Variants in DFFB observed in about 807,000 individuals in gnomAD.
The protein encoded by DFFB is DNA fragmentation factor subunit beta.
Under a neutral mutation model 32.7 loss-of-function variants are expected in DFFB, and 29 were observed. The observed-to-expected ratio is 0.89, with a 90% CI of 0.66 to 1.21. The LOEUF (loss-of-function observed/expected upper bound fraction) is 1.21. DFFB is among the 50% of genes most tolerant of loss of function. The pLI is 0.00. For synonymous variants in DFFB, 170 were observed against 177.1 expected, an observed-to-expected ratio of 0.96 and a Z score of 0.32; for missense variants, 398 against 440.6, an observed-to-expected ratio of 0.90 and a Z score of 0.87.
intron 2 of DFFB, among the ~76,000 whole-genome samples, chr1:3,862,241 A>T (rs1462275239): frequency 6.6e-6 from 1 of 152,352 alleles, no homozygotes; most frequent in Non-Finnish European, 1.5e-5. Context: ...TTAACATCCC[A>T]TGTTCATGGA....
rs1463669955 is a variant in DFFB at position 3,867,932 on chromosome 1, G to A, written c.431-42G>A. On this transcript the variant is annotated intron_variant, in intron 3 of 6. Coordinates refer to ENST00000378209, the MANE Select transcript of DFFB (RefSeq NM_004402.4). Reference sequence around the variant, plus strand: ...CAGGACACAGACCCAGAGGCCCCTGGCCTGCCCTGTGGACTTGGGGGTCTT... The same window carrying A: ...CAGGACACAGACCCAGAGGCCCCTGACCTGCCCTGTGGACTTGGGGGTCTT... The A allele has an allele frequency of 3.8e-6, 6 of 1,596,356 alleles. 1 individual carries two copies. Among genetic ancestry groups the A allele is most frequent in the South Asian group, 2.2e-5 (2 of 90,706 alleles).
intron 5 of DFFB, among the ~76,000 whole-genome samples, chr1:3,871,433 C>T (rs562465526): frequency 3.9e-5 from 6 of 152,238 alleles, no homozygotes; most frequent in African/African-American, 1.4e-4. Flanking sequence ...ATTACAGGCG[C>T]CCGCCACCAT....
chr1:3,868,073 G>T lies in DFFB; in HGVS notation c.510+20G>T. ...AGGGAGGTGAGCCTGAGTGAAGACC[G>T]GGTATGCTGGGCGGGTTTTTGAAGC... On this transcript the variant is annotated intron_variant, in intron 4 of 6. Transcript: ENST00000378209. The T allele has an allele frequency of 6.2e-7, 1 of 1,611,890 alleles. No individual in the cohort carries two copies. The highest frequency in any genetic ancestry group is 1.1e-5 in the South Asian group (1 of 91,034).
At chr1:3,872,614 G>GGGCCCGGTCCCTGCCGC in intron 6 of DFFB, 42 bp downstream of exon 6, 5 of 959,720 alleles carry the variant, frequency 5.2e-6, no homozygotes, top group African/African-American at 2.8e-5. Context: ...AGTGCCTGCA[G>GGGCCCGGTCCCTGCCGC]GGCCCTGTCC....
chr1:3,857,518 C>G lies in DFFB; in HGVS notation c.-86C>G. On this transcript the variant is annotated 5_prime_UTR_variant, in exon 1 of 7. Transcript: ENST00000378209. ...TTGCAGAGCTCACCAGGTGCAGACCCCTGCGGCCAGGGCGAGGACGGATCT... is the reference window on the plus strand; with the variant it reads ...TTGCAGAGCTCACCAGGTGCAGACCGCTGCGGCCAGGGCGAGGACGGATCT... The G allele has an allele frequency of 3.1e-6, 3 of 982,688 alleles. No homozygotes were observed. The highest frequency in any genetic ancestry group is 2.3e-4 in the Middle Eastern group (1 of 4,382). The allele number at this position is 982,688 out of a possible 1,614,324, so 60.9% of individuals were successfully genotyped here.
At chr1:3,878,688 C>T (rs938175012) in intron 6 of DFFB, among the ~76,000 whole-genome samples, 2 of 152,200 alleles carry the variant, frequency 1.3e-5, no homozygotes, top group Non-Finnish European at 2.9e-5. Flanking sequence ...CTGCTGCTGT[C>T]CCCTCTCCCG....
chr1:3,871,649 G>A (rs934273206), intron 5 of DFFB, among the ~76,000 whole-genome samples: 5 of 152,206 alleles, frequency 3.3e-5, no homozygotes, highest in Admixed American at 1.3e-4. Flanking sequence ...CAGCCCCCAC[G>A]GGGTGCGTCT....
intron 5 of DFFB, 56 bp downstream of exon 5, chr1:3,869,831 C>T (rs543520878): frequency 5.5e-5 from 83 of 1,514,254 alleles, no homozygotes; most frequent in East Asian, 3.5e-4. Flanking sequence ...GAACACAGCC[C>T]GCCTGGGGCG....
At chr1:3,868,608 TACCAGACCACACCAC>T (rs1645032620) in intron 4 of DFFB, among the ~76,000 whole-genome samples, 1 of 3,158 alleles carries the variant, frequency 3.2e-4, no homozygotes, top group South Asian at 5.8e-3. Flanking sequence ...TACCACACCA[TACCAGACCACACCAC>T]ACCAGGCCAC....
chr1:3,874,878 C>T (rs560781548), intron 6 of DFFB, among the ~76,000 whole-genome samples: 5 of 149,242 alleles, frequency 3.4e-5, no homozygotes, highest in Admixed American at 2.7e-4. Context: ...CATACGTGGC[C>T]TCCCATGCTG....
intron 3 of DFFB, among the ~76,000 whole-genome samples, chr1:3,867,233 C>T (rs553661183): frequency 5.3e-5 from 8 of 152,336 alleles, no homozygotes; most frequent in East Asian, 1.9e-4. Context: ...CAGTCCACTG[C>T]GTGTACATAC....
In DFFB at chr1:3,872,575, A is replaced by G; in HGVS notation, c.782+3A>G. 6.2e-7 allele frequency: 1 copy of G among 1,611,042 alleles called. No homozygotes were observed. Among genetic ancestry groups the G allele is most frequent in the Non-Finnish European group, 8.5e-7 (1 of 1,179,194 alleles). Reference sequence around the variant, plus strand: ...AGCACCTGGAACCTGGATCACATGTAAGCTCACAGAGCGAGGTTCAGACCC... The same window carrying G: ...AGCACCTGGAACCTGGATCACATGTGAGCTCACAGAGCGAGGTTCAGACCC... On this transcript the variant is annotated splice_donor_region_variant and intron_variant, in intron 6 of 6. Coordinates refer to ENST00000378209, the MANE Select transcript of DFFB (RefSeq NM_004402.4).
Position 3,883,587 on chromosome 1 carries a change from A to AT in DFFB, c.868dup (p.Tyr290LeufsTer19), listed in dbSNP as rs1169309833. On this transcript the variant is annotated frameshift_variant, in exon 7 of 7. Transcript: ENST00000378209. LOFTEE classifies it low-confidence loss of function (END_TRUNC). The stretch of plus-strand genomic sequence containing the variant: ...GATGGAAGAGAAGTGGACTGGGAGT[A>AT]TTTTTATGGCCTGCTTTTTACCTCA... 1.2e-6 allele frequency: 2 copies of AT among 1,614,190 alleles called. No individual in the cohort carries two copies. The highest frequency in any genetic ancestry group is 1.7e-6 in the Non-Finnish European group (2 of 1,180,030).
At chr1:3,867,052 C>T (rs553548268) in intron 3 of DFFB, among the ~76,000 whole-genome samples, 23 of 152,134 alleles carry the variant, frequency 1.5e-4, no homozygotes, top group Non-Finnish European at 2.4e-4. Context: ...CCTGCCACCA[C>T]GCCTGGCTAA....
intron 6 of DFFB, among the ~76,000 whole-genome samples, chr1:3,876,557 TG>T (rs1475690282): frequency 6.6e-6 from 1 of 152,230 alleles, no homozygotes; most frequent in Non-Finnish European, 1.5e-5. Context: ...CTGACGTTTG[TG>T]GGGGTTGACA....
chr1:3,869,858 T>C (rs1184081268), intron 5 of DFFB, 83 bp downstream of exon 5: 1 of 1,413,806 alleles, frequency 7.1e-7, no homozygotes, highest in Non-Finnish European at 9.5e-7. Flanking sequence ...GTGGGGACCT[T>C]CAGCCCTTGC....
chr1:3,868,820 C>T (rs1160020607), intron 4 of DFFB, among the ~76,000 whole-genome samples: 1 of 152,236 alleles, frequency 6.6e-6, no homozygotes, highest in Non-Finnish European at 1.5e-5. Flanking sequence ...CGTGGTCGGC[C>T]CCCACGCCCT....
In DFFB at chr1:3,883,722, C is replaced by T. The variant is rs747583265; in HGVS notation, c.998C>T (p.Pro333Leu). 2 of 1,614,126 alleles carry T rather than the reference C, an allele frequency of 1.2e-6. No homozygotes were observed. The highest frequency in any genetic ancestry group is 1.7e-6 in the Non-Finnish European group (2 of 1,180,028). The change falls in exon 7 of 7, where the codon CCT becomes CTT. Residue 333 changes from proline (P) to leucine (L), a missense_variant. Coordinates refer to ENST00000378209, the MANE Select transcript of DFFB (RefSeq NM_004402.4). ...CAGACAAGGTTGAAGCGGAAGCAGC[C>T]TGTGCGGAAACGCCAGTGACACGTA... ...KPQTRLKRKQ[P>L]VRKRQ
Position 3,865,714 on chromosome 1 carries a change from G to C in DFFB, c.242-98G>C. On this transcript the variant is annotated intron_variant, in intron 2 of 6. Coordinates refer to ENST00000378209, the MANE Select transcript of DFFB (RefSeq NM_004402.4). This position sits in a 1 kb window ranked among gnomAD's most constrained non-coding sequence, Gnocchi z 4.7. ...GAGTCCTGGTGATTGCCAGGCCCTG[G>C]GGAATGGGGGAAGATGTGGTCAGAG... The C allele has an allele frequency of 6.3e-7, 1 of 1,592,108 alleles. No homozygotes were observed. Among genetic ancestry groups the C allele is most frequent in the South Asian group, 1.1e-5 (1 of 90,534 alleles).
Sources: gnomAD v4.1 joint callset for allele counts (sites outside exome capture counted in the v4.1 genomes callset) on GRCh38, gnomAD v4.1.1 for gene constraint, Gnocchi (gnomAD v3.1) non-coding constraint, MANE v1.5 for transcripts, NCBI Gene and HGNC (gene_info 2026-07-23, HGNC 2026-07-21) for gene names.